PRKG1: variants seen among roughly 807,000 people sequenced by gnomAD.
The protein encoded by PRKG1 is protein kinase cGMP-dependent 1.
In PRKG1, 35 loss-of-function variants were observed where a neutral mutation model predicts 88.1. That is an observed-to-expected ratio of 0.40 (90% CI 0.30 to 0.53). The LOEUF is 0.53. PRKG1 is among the 20% of genes least tolerant of loss of function. PRKG1 has a pLI of 0.59. For synonymous variants in PRKG1, 303 were observed against 292.5 expected (o/e 1.04, Z -0.37); for missense variants, 540 against 839.8 (o/e 0.64, Z 4.41).
At chr10:51,155,028 A>G (rs1043822872) in intron 2 of PRKG1, among the ~76,000 whole-genome samples, 3 of 152,040 alleles carry the variant, frequency 2.0e-5, no homozygotes, top group African/African-American at 7.2e-5. Flanking sequence ...ATTATTTTTC[A>G]GATATTATAT....
chr10:52,158,024 A>G (rs1248170361), intron 8 of PRKG1, among the ~76,000 whole-genome samples: 3 of 151,730 alleles, frequency 2.0e-5, no homozygotes, highest in Non-Finnish European at 4.4e-5. Flanking sequence ...ATGTGCATGC[A>G]TAAAGGTTTG....
intron 3 of PRKG1, among the ~76,000 whole-genome samples, chr10:51,719,930 G>C (rs1183438595): frequency 1.3e-5 from 2 of 152,112 alleles, no homozygotes; most frequent in African/African-American, 2.4e-5. Flanking sequence ...CTACTGGAGT[G>C]GTCCAGATGA....
rs139697797 is a variant in PRKG1 at position 52,018,316 on chromosome 10, T to C, written c.763-36168T>C. Among the ~76,000 whole-genome samples, 18 of 152,324 alleles carry C rather than the reference T, an allele frequency of 1.2e-4. No homozygotes were observed. The East Asian group carries it at 3.5e-3, about 29-fold the overall frequency. ...AAAATAAAACTGTGTACTCTTAATA[T>C]TTAAAAGATAAGCATGTTCATGGAC... On this transcript the variant is annotated intron_variant, in intron 5 of 17. Transcript: ENST00000373980.
At chr10:51,094,064 C>G (rs1187871222) in intron 1 of PRKG1, among the ~76,000 whole-genome samples, 1 of 151,942 alleles carries the variant, frequency 6.6e-6, no homozygotes, top group Non-Finnish European at 1.5e-5. Context: ...GTGCAGTGAA[C>G]AATGAGTGCT....
chr10:51,924,797 G>A (rs1012127496), intron 5 of PRKG1, among the ~76,000 whole-genome samples: 4 of 150,440 alleles, frequency 2.7e-5, no homozygotes, highest in Non-Finnish European at 5.9e-5. Context: ...AGCTCACCAA[G>A]TCTTTCTTCA....
In PRKG1 at chr10:51,935,844, A is replaced by T. The variant is rs1266807892; in HGVS notation, c.762+28274A>T. Among the ~76,000 whole-genome samples, 38 of 152,088 alleles carry T rather than the reference A, an allele frequency of 2.5e-4. 1 individual carries two copies. Among genetic ancestry groups the T allele is most frequent in the Admixed American group, 2.5e-3 (38 of 15,244 alleles). On this transcript the variant is annotated intron_variant, in intron 5 of 17. Coordinates refer to ENST00000373980, the MANE Select transcript of PRKG1 (RefSeq NM_006258.4). ...AGGTATTCACCACAGTGAAGTACTC[A>T]CTAAACTTTCCTGAAGTTACTTTGT...
At chr10:51,437,878 T>A (rs1419800991) in intron 2 of PRKG1, among the ~76,000 whole-genome samples, 1 of 150,148 alleles carries the variant, frequency 6.7e-6, no homozygotes, top group African/African-American at 2.5e-5. Flanking sequence ...TGCTGCTAAG[T>A]ATTCCATAAT....
chr10:51,724,347 G>A (rs1305016277), intron 3 of PRKG1, among the ~76,000 whole-genome samples: 3 of 152,142 alleles, frequency 2.0e-5, no homozygotes, highest in Non-Finnish European at 4.4e-5. Flanking sequence ...TTCTTGGTTA[G>A]GGATTTGACT....
chr10:51,226,178 T>A (rs919928805), intron 2 of PRKG1, among the ~76,000 whole-genome samples: 2 of 152,142 alleles, frequency 1.3e-5, no homozygotes. Context: ...CACTCTAGTC[T>A]GGGGGACAGA....
chr10:51,942,864 T>C (rs988933117), intron 5 of PRKG1, among the ~76,000 whole-genome samples: 2 of 150,724 alleles, frequency 1.3e-5, no homozygotes, highest in Admixed American at 1.3e-4. Context: ...AGCCTTGTAG[T>C]ATAGTTTGAA....
intron 2 of PRKG1, among the ~76,000 whole-genome samples, chr10:51,199,920 C>G (rs1375308772): frequency 6.6e-6 from 1 of 152,174 alleles, no homozygotes; most frequent in African/African-American, 2.4e-5. Context: ...GAACACTCCT[C>G]AAGTGACCCT....
chr10:51,882,535 G>T (rs572330569), intron 4 of PRKG1, among the ~76,000 whole-genome samples: 235 of 152,240 alleles, frequency 1.5e-3, no homozygotes, highest in African/African-American at 5.4e-3. Flanking sequence ...TAGAGTTACT[G>T]CCTCCTTACA....
intron 9 of PRKG1, among the ~76,000 whole-genome samples, chr10:52,169,211 G>C (rs529843701): frequency 6.6e-6 from 1 of 152,276 alleles, no homozygotes; most frequent in Non-Finnish European, 1.5e-5. Context: ...ACCAAGAATA[G>C]ACTATGTGTT....
At chr10:52,187,536 G>A (rs1839229788) in intron 9 of PRKG1, among the ~76,000 whole-genome samples, 2 of 152,130 alleles carry the variant, frequency 1.3e-5, no homozygotes, top group Admixed American at 1.3e-4. Flanking sequence ...TATGAGAACT[G>A]GAAGTCACAA....
chr10:51,192,148 A>T (rs1202197978), intron 2 of PRKG1, among the ~76,000 whole-genome samples: 4 of 151,848 alleles, frequency 2.6e-5, no homozygotes, highest in Admixed American at 2.6e-4. Flanking sequence ...ATTAAAAAAA[A>T]AAATTACACA....
At chr10:51,700,750 T>C (rs1462757146) in intron 3 of PRKG1, among the ~76,000 whole-genome samples, 1 of 152,218 alleles carries the variant, frequency 6.6e-6, no homozygotes, top group Admixed American at 6.5e-5. Flanking sequence ...GCTAGTGTGA[T>C]TGAAGAAATG....
intron 3 of PRKG1, among the ~76,000 whole-genome samples, chr10:51,469,611 CTG>C (rs933838650): frequency 3.3e-5 from 5 of 151,854 alleles, no homozygotes; most frequent in African/African-American, 1.2e-4. Flanking sequence ...TAAATAGACA[CTG>C]TGAATCTAAT....
At chr10:51,379,713 C>T (rs987935013) in intron 2 of PRKG1, among the ~76,000 whole-genome samples, 7 of 152,182 alleles carry the variant, frequency 4.6e-5, no homozygotes, top group Admixed American at 2.0e-4. Flanking sequence ...TCTGTTCACT[C>T]GACAGATTTA....
intron 3 of PRKG1, among the ~76,000 whole-genome samples, chr10:51,621,260 A>G (rs1839204607): frequency 6.6e-6 from 1 of 151,874 alleles, no homozygotes; most frequent in Non-Finnish European, 1.5e-5. Context: ...GCTAGGTGAG[A>G]TCAGATGAAA....
Sources: gnomAD v4.1 joint callset for allele counts (sites outside exome capture counted in the v4.1 genomes callset) on GRCh38, gnomAD v4.1.1 for gene constraint, MANE v1.5 for transcripts, NCBI Gene and HGNC (gene_info 2026-07-23, HGNC 2026-07-21) for gene names.